Variants in MSH3 observed in about 807,000 individuals in gnomAD.
MSH3 encodes DNA mismatch repair protein Msh3.
Under a neutral mutation model 123.3 loss-of-function variants are expected in MSH3, and 106 were observed. The observed-to-expected ratio is 0.86, with a 90% CI of 0.73 to 1.01. MSH3 has a LOEUF of 1.01. Ranked by LOEUF, MSH3 falls within the 50% of genes least tolerant of loss-of-function variation. The pLI is 0.00. For missense variants in MSH3, 1,459 were observed against 1,347.6 expected (o/e 1.08, Z -1.29); for synonymous variants, 515 against 481.4 (o/e 1.07, Z -0.91).
At chr5:80,726,277 C>T (rs1743301912) in intron 9 of MSH3, among the ~76,000 whole-genome samples, 1 of 152,130 alleles carries the variant, frequency 6.6e-6, no homozygotes. Context: ...TAATCTTCAT[C>T]CTACTCCATA....
rs55888049 is a variant in MSH3, at chr5:80,702,713, T to A, written c.1341-22740T>A. 7.0e-3 allele frequency among the ~76,000 whole-genome samples: 1,051 copies of A among 149,794 alleles called. 12 individuals are homozygous for A. The highest frequency in any genetic ancestry group is 0.023 in the African/African-American group (923 of 40,904). ...TTAAACAAGGTTGAAATAATTTATT[T>A]AAAAAAAAAAATAGCTGGCTGGGTG... On this transcript the variant is annotated intron_variant, in intron 8 of 23. Coordinates refer to ENST00000265081, the MANE Select transcript of MSH3 (RefSeq NM_002439.5).
At chr5:80,709,992 C>G (rs1413925894) in intron 8 of MSH3, among the ~76,000 whole-genome samples, 1 of 152,164 alleles carries the variant, frequency 6.6e-6, no homozygotes, top group Admixed American at 6.5e-5. Flanking sequence ...TGACTTCGTG[C>G]CTTTCTTACC....
chr5:80,835,657 G>A (rs755673903), intron 20 of MSH3, among the ~76,000 whole-genome samples: 6 of 152,146 alleles, frequency 3.9e-5, no homozygotes, highest in Non-Finnish European at 5.9e-5. Context: ...GCTCATGCCT[G>A]TAATCCTAGC....
At chr5:80,742,206 C>T (rs929729479) in intron 11 of MSH3, among the ~76,000 whole-genome samples, 4 of 152,050 alleles carry the variant, frequency 2.6e-5, no homozygotes, top group South Asian at 4.2e-4. Context: ...GACAGGGTTT[C>T]GCCATATTGG....
intron 8 of MSH3, among the ~76,000 whole-genome samples, chr5:80,724,269 A>G (rs1487962535): frequency 6.6e-6 from 1 of 152,244 alleles, no homozygotes; most frequent in Non-Finnish European, 1.5e-5. Context: ...ATTAAAAAGA[A>G]GGAGTTGTAG....
At chr5:80,832,740 A>T (rs1295064198) in intron 20 of MSH3, among the ~76,000 whole-genome samples, 1 of 151,846 alleles carries the variant, frequency 6.6e-6, no homozygotes, top group Non-Finnish European at 1.5e-5. Context: ...TTTTATATAT[A>T]TATATCATAA....
At chr5:80,790,732 T>C (rs145142454) in intron 18 of MSH3, among the ~76,000 whole-genome samples, 1 of 152,274 alleles carries the variant, frequency 6.6e-6, no homozygotes, top group African/African-American at 2.4e-5. Context: ...CTAATTTTCA[T>C]TGAACACAGT....
intron 21 of MSH3, 29 bp from the exon 22 acceptor site, chr5:80,864,781 GAAA>G: frequency 8.2e-6 from 3 of 365,212 alleles, no homozygotes; most frequent in Non-Finnish European, 8.9e-6. Context: ...ATTTAAAAAT[GAAA>G]TAACATTTAT....
intron 8 of MSH3, among the ~76,000 whole-genome samples, chr5:80,691,801 A>G (rs1167376488): frequency 1.4e-5 from 2 of 147,994 alleles, no homozygotes; most frequent in Non-Finnish European, 3.0e-5. Flanking sequence ...TTATATAAAT[A>G]TATCTAAATA....
chr5:80,671,677 T>G (rs1328875917), intron 4 of MSH3, among the ~76,000 whole-genome samples: 1 of 152,188 alleles, frequency 6.6e-6, no homozygotes, highest in Non-Finnish European at 1.5e-5. Flanking sequence ...TAGAGTTCCA[T>G]GGCTTCAGTG....
chr5:80,742,119 C>T (rs1446984015), intron 11 of MSH3, among the ~76,000 whole-genome samples: 2 of 152,018 alleles, frequency 1.3e-5, no homozygotes, highest in East Asian at 3.9e-4. Context: ...AAGCAATTCT[C>T]CTGCCTCAGC....
At chr5:80,815,965 A>T (rs1745096516) in intron 20 of MSH3, among the ~76,000 whole-genome samples, 2 of 152,228 alleles carry the variant, frequency 1.3e-5, no homozygotes, top group Non-Finnish European at 2.9e-5. Context: ...ATCAAGGTAC[A>T]GGCACTGTTA....
At chr5:80,799,988 C>T (rs1025712719) in intron 19 of MSH3, among the ~76,000 whole-genome samples, 3 of 152,178 alleles carry the variant, frequency 2.0e-5, no homozygotes, top group African/African-American at 7.2e-5. Flanking sequence ...TTTAGATCTT[C>T]TCTTCCCCCA....
Position 80,848,235 on chromosome 5 carries a change from A to T in MSH3, c.2814-5895A>T, listed in dbSNP as rs572347906. Among the ~76,000 whole-genome samples the T allele has an allele frequency of 1.4e-3, 216 of 152,334 alleles. 1 individual carries two copies. Among genetic ancestry groups the T allele is most frequent in the African/African-American group, 5.1e-3 (211 of 41,580 alleles). On this transcript the variant is annotated intron_variant, in intron 20 of 23. Coordinates refer to ENST00000265081, the MANE Select transcript of MSH3 (RefSeq NM_002439.5). ...ACAGAGTTAGAACCTTTCTCAAATA[A>T]ACAATAATAAAATAAAAGCTTGGTC... is the stretch of plus-strand genomic sequence containing the variant.
At chr5:80,740,513 A>G (rs2112866131) in intron 10 of MSH3, among the ~76,000 whole-genome samples, 1 of 151,508 alleles carries the variant, frequency 6.6e-6, no homozygotes, top group South Asian at 2.1e-4. Context: ...GTGCGCCACT[A>G]CACCCATCTA....
At chr5:80,673,390 A>G (rs879262456) in intron 6 of MSH3, among the ~76,000 whole-genome samples, 1 of 152,118 alleles carries the variant, frequency 6.6e-6, no homozygotes, top group African/African-American at 2.4e-5. Context: ...TTAGCTGGGC[A>G]TGTTGGCACT....
chr5:80,806,263 T>C (rs1744889326), intron 19 of MSH3, among the ~76,000 whole-genome samples: 2 of 152,148 alleles, frequency 1.3e-5, no homozygotes, highest in African/African-American at 4.8e-5. Context: ...CACACCTGGC[T>C]AATTTTGTAT....
At chr5:80,729,085 C>A in intron 10 of MSH3, 120 bp downstream of exon 10, 2 of 670,430 alleles carry the variant, frequency 3.0e-6, no homozygotes, top group South Asian at 1.7e-5. Context: ...TACTAGGGTG[C>A]AAGGATGAGC....
rs1271669410 is a variant in MSH3 at position 80,767,970 on chromosome 5, T to C, written c.1934T>C (p.Leu645Ser). Residue 645 changes from leucine (L) to serine (S), a missense_variant, in exon 14 of 24, where the codon TTA becomes TCA. Leu to Ser is a moderately radical substitution (Grantham distance 145). Coordinates refer to ENST00000265081, the MANE Select transcript of MSH3 (RefSeq NM_002439.5). The stretch of plus-strand genomic sequence containing the variant: ...GAGTTCTTCTTGATTGTCAAAACTT[T>C]ATATCACCTAAAGTCAGAATTTCAA... ...TQEFFLIVKT[L>S]YHLKSEFQAI... 1.1e-5 allele frequency: 17 copies of C among 1,613,330 alleles called. No individual in the cohort carries two copies. Among genetic ancestry groups the C allele is most frequent in the Non-Finnish European group, 1.4e-5 (16 of 1,179,348 alleles).
Sources: gnomAD v4.1 joint callset for allele counts (sites outside exome capture counted in the v4.1 genomes callset) on GRCh38, gnomAD v4.1.1 for gene constraint, MANE v1.5 for transcripts, NCBI Gene and HGNC (gene_info 2026-07-23, HGNC 2026-07-21) for gene names.